The following SPTBN2 variants were observed in gnomAD, a reference collection of about 807,000 sequenced individuals.
SPTBN2 encodes the protein spectrin beta, non-erythrocytic 2, also known as spectrin beta chain, non-erythrocytic 2.
Under a neutral mutation model 284.2 loss-of-function variants are expected in SPTBN2, and 107 were observed. The ratio of observed to expected loss-of-function variants is 0.38; its 90% CI spans 0.32 to 0.44. SPTBN2 has a LOEUF of 0.44. SPTBN2 is among the 20% of genes least tolerant of loss of function. The probability of loss-of-function intolerance (pLI) is 1.00; values close to 1 mark genes in which losing one functional copy is unlikely to be tolerated. For missense variants in SPTBN2, 2,569 were observed against 3,287.1 expected (o/e 0.78, Z 5.34); for synonymous variants, 1,289 against 1,354.8 (o/e 0.95, Z 1.07).
chr11:66,721,611 C>T (rs1329974101), intron 1 of SPTBN2, among the ~76,000 whole-genome samples, 171 bp from the exon 2 acceptor site: 1 of 152,108 alleles, frequency 6.6e-6, no homozygotes, highest in Admixed American at 6.6e-5. Flanking sequence ...CAGTGTGCAG[C>T]CCAGGGTAAT....
rs1346626130 is a variant in SPTBN2, at chr11:66,692,667, G to A, written c.5059C>T (p.Arg1687Trp). The A allele has an allele frequency of 8.7e-6, 14 of 1,605,576 alleles. No homozygotes were observed. The highest frequency in any genetic ancestry group is 9.3e-6 in the Non-Finnish European group (11 of 1,179,940). The change falls in exon 26 of 38, where the codon CGG becomes TGG. Residue 1687 changes from arginine to tryptophan, a missense_variant. This residue lies in a region of SPTBN2 where 1,130 missense variants were observed against 1,317.3 expected (regional missense o/e 0.86). Transcript: ENST00000533211. ...AGLKELAGER[R>W]ERLQEHLRLC... ...CGGAGGTGCTCCTGCAGGCGCTCCCGCCGCTCTCCAGCCAGCTCCTTCAGG... is the reference window on the plus strand; with the variant it reads ...CGGAGGTGCTCCTGCAGGCGCTCCCACCGCTCTCCAGCCAGCTCCTTCAGG...
chr11:66,701,368 C>T, intron 16 of SPTBN2, 86 bp from the exon 17 acceptor site: 1 of 1,557,658 alleles, frequency 6.4e-7, no homozygotes, highest in Non-Finnish European at 8.7e-7. Context: ...CTTGGTAGCT[C>T]CCCTTCACTC....
Position 66,700,421 on chromosome 11 carries a change from C to G in SPTBN2, c.3573+105G>C. ...ATTTCAGGTGTGAACCACTGCGCTG[C>G]CCCATTTTGCTAGCATGTCCTTCCT... On this transcript the variant is annotated intron_variant, in intron 17 of 37. Transcript: ENST00000533211. The surrounding 1 kb of genome is among the most constrained non-coding windows in gnomAD (Gnocchi z 6.6). 1 of 1,508,194 alleles carries G rather than the reference C, an allele frequency of 6.6e-7. No homozygotes were observed. The highest frequency in any genetic ancestry group is 9.1e-7 in the Non-Finnish European group (1 of 1,103,480). The allele number at this position is 1,508,194 out of a possible 1,614,324, so 93.4% of individuals were successfully genotyped here.
rs1940066950 is a variant in SPTBN2 at position 66,685,814 on chromosome 11, T to C, written c.*57A>G. On this transcript the variant is annotated 3_prime_UTR_variant, in exon 38 of 38. Coordinates refer to ENST00000533211, the MANE Select transcript of SPTBN2 (RefSeq NM_006946.4). The surrounding 1 kb of genome is among the most constrained non-coding windows in gnomAD (Gnocchi z 4.4). ...TGACAAGAGGGCGGTCCCTGTCGAC[T>C]GTCCCTGGCAGTTTCCTGAACGGAG... is the stretch of plus-strand genomic sequence containing the variant. 1 of 1,551,600 alleles carries C rather than the reference T, an allele frequency of 6.4e-7. No homozygotes were observed. The highest frequency in any genetic ancestry group is 1.7e-5 in the Admixed American group (1 of 59,950).
rs1397765824 is a variant in SPTBN2 at position 66,700,742 on chromosome 11, G to T, written c.3357C>A (p.Ser1119Arg). Reference protein sequence around the residue: ...ALRGEVERAQSEYSRLRALGE... With the variant: ...ALRGEVERAQREYSRLRALGE... ...CCAGGGCTCGCAGCCGGCTATACTC[G>T]CTCTGGGCCCGCTCCACCTCTCCCC... The change falls in exon 17 of 38, where the codon AGC becomes AGA. Residue 1119 changes from serine (S) to arginine (R), a missense_variant. Physicochemically the swap from Ser to Arg is moderately radical, Grantham distance 110 (BLOSUM62 -1). Around this residue, in one of 6 missense-constraint regions of SPTBN2, gnomAD observed 1,012 missense variants for 1,248.9 expected, o/e 0.81. Transcript: ENST00000533211. The surrounding 1 kb of genome is among the most constrained non-coding windows in gnomAD (Gnocchi z 6.6). 1 of 1,602,972 alleles carries T rather than the reference G, an allele frequency of 6.2e-7. No individual in the cohort carries two copies. Among genetic ancestry groups the T allele is most frequent in the Admixed American group, 1.7e-5 (1 of 59,986 alleles).
Position 66,691,435 on chromosome 11 carries a change from C to T in SPTBN2, c.5414G>A (p.Arg1805His), listed in dbSNP as rs1222870637. The change falls in exon 27 of 38, where the codon CGC becomes CAC. Residue 1805 changes from arginine (R) to histidine (H), a missense_variant. Physicochemically the swap from Arg to His is conservative, Grantham distance 29. This residue lies in a region of SPTBN2 where 1,130 missense variants were observed against 1,317.3 expected (regional missense o/e 0.86). Transcript: ENST00000533211. This position sits in a 1 kb window ranked among gnomAD's most constrained non-coding sequence, Gnocchi z 8.0. ...GGCTTGGCGTGCCCCGTGCAGGAAGCGCTGCAGCTCGTACGCCGCGGCCAG... is the reference window on the plus strand; with the variant it reads ...GGCTTGGCGTGCCCCGTGCAGGAAGTGCTGCAGCTCGTACGCCGCGGCCAG... ...QVLAAAYELQRFLHGARQALA... is the reference protein window; with the variant it reads ...QVLAAAYELQHFLHGARQALA... The T allele has an allele frequency of 5.6e-6, 9 of 1,612,106 alleles. No individual in the cohort carries two copies. Among genetic ancestry groups the T allele is most frequent in the South Asian group, 1.1e-5 (1 of 91,046 alleles).
Position 66,707,875 on chromosome 11 carries a change from C to A in SPTBN2, c.1351-57G>T. ...GACCAAGGGACAGTGCCTCTGCCTGCTCCTCTGTCCTGCAGGGCACTTGGC... is the reference window on the plus strand; with the variant it reads ...GACCAAGGGACAGTGCCTCTGCCTGATCCTCTGTCCTGCAGGGCACTTGGC... On this transcript the variant is annotated intron_variant, in intron 12 of 37. Coordinates refer to ENST00000533211, the MANE Select transcript of SPTBN2 (RefSeq NM_006946.4). This position sits in a 1 kb window ranked among gnomAD's most constrained non-coding sequence, Gnocchi z 4.9. 1 of 1,586,102 alleles carries A rather than the reference C, an allele frequency of 6.3e-7. No individual in the cohort carries two copies. The highest frequency in any genetic ancestry group is 8.5e-7 in the Non-Finnish European group (1 of 1,170,030).
rs181355433 is a variant in SPTBN2 at position 66,704,114 on chromosome 11, A to G, written c.2678+484T>C. 3.7e-3 allele frequency among the ~76,000 whole-genome samples: 566 copies of G among 151,582 alleles called. 4 individuals carry two copies. The highest frequency in any genetic ancestry group is 0.013 in the African/African-American group (535 of 41,334). ...CAGCCTCCCGAGTAGCTGGGACTACAGGCGCCCCCCACTGTGCCCGGCTAA... is the reference window on the plus strand; with the variant it reads ...CAGCCTCCCGAGTAGCTGGGACTACGGGCGCCCCCCACTGTGCCCGGCTAA... On this transcript the variant is annotated intron_variant, in intron 15 of 37. Transcript: ENST00000533211.
In SPTBN2 at chr11:66,707,930, C is replaced by G. The variant is rs1046856117; in HGVS notation, c.1351-112G>C. On this transcript the variant is annotated intron_variant, in intron 12 of 37. Coordinates refer to ENST00000533211, the MANE Select transcript of SPTBN2 (RefSeq NM_006946.4). The surrounding 1 kb of genome is among the most constrained non-coding windows in gnomAD (Gnocchi z 4.9). ...AAGATCCCAGCTCCATGCGGTGGCTCTAAGTTCCCTCTCTATCCCACCCCC... is the reference window on the plus strand; with the variant it reads ...AAGATCCCAGCTCCATGCGGTGGCTGTAAGTTCCCTCTCTATCCCACCCCC... 6.4e-5 allele frequency: 92 copies of G among 1,445,056 alleles called. No homozygotes were observed. In the South Asian group the frequency reaches 1.1e-3, roughly 17 times the overall value. 89.5% of individuals were successfully genotyped at this position (1,445,056 alleles called of 1,614,324 possible).
At chr11:66,720,959 A>G in intron 3 of SPTBN2, 125 bp downstream of exon 3, 2 of 1,305,890 alleles carry the variant, frequency 1.5e-6, no homozygotes, top group Non-Finnish European at 2.1e-6. Context: ...GGGAATTGAT[A>G]GAGTGCTCTG....
chr11:66,723,367 T>A (rs1304649527), intron 1 of SPTBN2, among the ~76,000 whole-genome samples: 1 of 152,072 alleles, frequency 6.6e-6, no homozygotes, highest in Admixed American at 6.5e-5. Context: ...CTCGGTAGTC[T>A]CGGGTTCTGG....
Position 66,687,185 on chromosome 11 carries a change from C to G in SPTBN2, c.6723-18G>C, listed in dbSNP as rs1201075104. On this transcript the variant is annotated intron_variant, in intron 35 of 37. Transcript: ENST00000533211. The surrounding 1 kb of genome is among the most constrained non-coding windows in gnomAD (Gnocchi z 5.2). ...GCCAGGACCTGCGAGGGACGCGGTG[C>G]TGACTGGCCGGCCTCAGTGGCGCCC... 1 of 1,613,210 alleles carries G rather than the reference C, an allele frequency of 6.2e-7. No homozygotes were observed. Among genetic ancestry groups the G allele is most frequent in the Admixed American group, 1.7e-5 (1 of 60,008 alleles).
chr11:66,688,058 T>C lies in SPTBN2; in HGVS notation c.6396A>G (p.Pro2132=), dbSNP rs1327521861. 2 of 1,613,764 alleles carry C rather than the reference T, an allele frequency of 1.2e-6. No individual in the cohort carries two copies. The highest frequency in any genetic ancestry group is 2.2e-5 in the East Asian group (1 of 44,848). The change falls in exon 33 of 38, where the codon CCA becomes CCG. Residue 2132 remains proline, a synonymous_variant. Coordinates refer to ENST00000533211, the MANE Select transcript of SPTBN2 (RefSeq NM_006946.4). ...CATTAACACTGGGTGCTTGTGTGGATGGTGGTGGCCGTGGCTGGGTTCTGG... is the reference window on the plus strand; with the variant it reads ...CATTAACACTGGGTGCTTGTGTGGACGGTGGTGGCCGTGGCTGGGTTCTGG... ...TWDGTQPRPP[P]STQAPSVNGV...
In SPTBN2 at chr11:66,708,879, G is replaced by A. The variant is rs755208751; in HGVS notation, c.1191+23C>T. On this transcript the variant is annotated intron_variant, in intron 11 of 37. Transcript: ENST00000533211. This position sits in a 1 kb window ranked among gnomAD's most constrained non-coding sequence, Gnocchi z 4.4. ...GGGCCAGGGCCTGCCCTGAGGGTGG[G>A]TGGCCTGTGGGCAGCCACGGACCTT... is the stretch of plus-strand genomic sequence containing the variant. 3 of 1,599,026 alleles carry A rather than the reference G, an allele frequency of 1.9e-6. No homozygotes were observed. In the South Asian group the frequency reaches 3.3e-5, roughly 18 times the overall value.
rs1429813467 is a variant in SPTBN2, at chr11:66,710,066, G to A, written c.1073+516C>T. ...AGCATGTTTGTTTGTTTTTTGAGAC[G>A]GAGTCTTGCTCTGTCACCCAGGTTG... On this transcript the variant is annotated intron_variant, in intron 10 of 37. Coordinates refer to ENST00000533211, the MANE Select transcript of SPTBN2 (RefSeq NM_006946.4). The surrounding 1 kb of genome is among the most constrained non-coding windows in gnomAD (Gnocchi z 4.9). Among the ~76,000 whole-genome samples, 7 of 152,212 alleles carry A rather than the reference G, an allele frequency of 4.6e-5. No homozygotes were observed. Among genetic ancestry groups the A allele is most frequent in the Admixed American group, 3.9e-4 (6 of 15,286 alleles).
chr11:66,691,293 G>A lies in SPTBN2; in HGVS notation c.5556C>T (p.Leu1852=). ...CATGCTTGGGTCAGACCTGGGGGCT[G>A]AGGGCCTGAATGTCATGCTCGTAGG... ...HCAYEHDIQA[L]SPQVQQVQDD... is the part of the protein sequence containing the mutation. The change falls in exon 27 of 38, where the codon CTC becomes CTT. Residue 1852 remains leucine (L), a synonymous_variant. Transcript: ENST00000533211. This position sits in a 1 kb window ranked among gnomAD's most constrained non-coding sequence, Gnocchi z 8.0. 6.5e-7 allele frequency: 1 copy of A among 1,531,714 alleles called. No individual in the cohort carries two copies. The highest frequency in any genetic ancestry group is 8.8e-7 in the Non-Finnish European group (1 of 1,136,262). 94.9% of individuals were successfully genotyped at this position (1,531,714 alleles called of 1,614,324 possible). A position where few individuals can be genotyped will look rare whatever the true frequency, so the allele number is the denominator to read the frequency against.
At chr11:66,721,847 A>G (rs1361223337) in intron 1 of SPTBN2, among the ~76,000 whole-genome samples, 1 of 151,874 alleles carries the variant, frequency 6.6e-6, no homozygotes, top group Non-Finnish European at 1.5e-5. Context: ...GAAGTTCAAG[A>G]CCAGCCTGAC....
In SPTBN2 at chr11:66,707,819, C is replaced by T. The variant is rs1249041460; in HGVS notation, c.1351-1G>A. 1 of 1,608,444 alleles carries T rather than the reference C, an allele frequency of 6.2e-7. No homozygotes were observed. Among genetic ancestry groups the T allele is most frequent in the Admixed American group, 1.7e-5 (1 of 59,994 alleles). ...CTGCCAGCTCCAGCCCAAAGTTGTC[C>T]TGTGTCGGGGGCAGGGAGAGGAGGT... On this transcript the variant is annotated splice_acceptor_variant, in intron 12 of 37. Transcript: ENST00000533211. LOFTEE classifies it high-confidence loss of function. This position sits in a 1 kb window ranked among gnomAD's most constrained non-coding sequence, Gnocchi z 4.9.
rs961046380 is a variant in SPTBN2 at position 66,682,565 on chromosome 11, C to T, written c.*3306G>A. Among the ~76,000 whole-genome samples the T allele has an allele frequency of 2.0e-5, 3 of 152,042 alleles. No homozygotes were observed. Among genetic ancestry groups the T allele is most frequent in the East Asian group, 3.9e-4 (2 of 5,162 alleles). ...CTAAAATATTATTTCAACACATAAT[C>T]AATATAAAAATTAAGGTATTTAAAG... On this transcript the variant is annotated 3_prime_UTR_variant, in exon 38 of 38. Coordinates refer to ENST00000533211, the MANE Select transcript of SPTBN2 (RefSeq NM_006946.4).
Sources: allele counts gnomAD v4.1 joint callset (sites outside exome capture counted in the v4.1 genomes callset), GRCh38; gene constraint gnomAD v4.1.1; regional missense constraint gnomAD v4.1.1; non-coding constraint Gnocchi (gnomAD v3.1); transcripts MANE v1.5; gene names NCBI Gene and HGNC (gene_info 2026-07-23, HGNC 2026-07-21).